PTPRS: variants seen among roughly 807,000 people sequenced by gnomAD.
PTPRS encodes the protein receptor-type tyrosine-protein phosphatase S.
Under a neutral mutation model 215.3 loss-of-function variants are expected in PTPRS, and 63 were observed. That is an observed-to-expected ratio of 0.29 (90% CI 0.24 to 0.36). The LOEUF (loss-of-function observed/expected upper bound fraction) is 0.36, where lower values mean the gene tolerates loss of function less well. Ranked by LOEUF, PTPRS falls within the 10% of genes least tolerant of loss-of-function variation. The pLI, the probability that PTPRS is intolerant of heterozygous loss-of-function variation, is 1.00. For missense variants in PTPRS, 2,258 were observed against 2,825.8 expected (o/e 0.80, Z 4.56); for synonymous variants, 1,404 against 1,191.4 (o/e 1.18, Z -3.68).
chr19:5,333,503 T>TCACACACACACA, intron 1 of PTPRS, among the ~76,000 whole-genome samples: 1 of 147,824 alleles, frequency 6.8e-6, no homozygotes, highest in African/African-American at 2.5e-5. Context: ...GTGAGTCCTG[T>TCACACACACACA]CACACACACA....
intron 1 of PTPRS, among the ~76,000 whole-genome samples, chr19:5,309,032 C>T (rs919916850): frequency 2.5e-4 from 38 of 152,282 alleles, no homozygotes; most frequent in African/African-American, 7.5e-4. Context: ...GCCTGCCTGG[C>T]ACTAGGCCCT....
intron 13 of PTPRS, among the ~76,000 whole-genome samples, chr19:5,234,948 T>C (rs1390340097): frequency 1.1e-3 from 163 of 150,478 alleles, no homozygotes; most frequent in African/African-American, 3.9e-3. Flanking sequence ...TCTTTCTTTT[T>C]TTTTTTTTTT....
intron 1 of PTPRS, among the ~76,000 whole-genome samples, chr19:5,291,091 G>A (rs1308631752): frequency 1.3e-5 from 2 of 151,998 alleles, no homozygotes; most frequent in African/African-American, 4.8e-5. Context: ...ACTGAAGTCC[G>A]GGGACCTGGC....
chr19:5,269,678 T>C (rs767076648), intron 4 of PTPRS, among the ~76,000 whole-genome samples: 15 of 151,674 alleles, frequency 9.9e-5, no homozygotes, highest in Non-Finnish European at 2.1e-4. Context: ...TCCCAGCACT[T>C]TGGGAGGCTG....
chr19:5,215,024 A>C (rs1259566074), intron 28 of PTPRS, among the ~76,000 whole-genome samples: 1 of 152,286 alleles, frequency 6.6e-6, no homozygotes, highest in Non-Finnish European at 1.5e-5. Flanking sequence ...TGACAACCAA[A>C]GATGTCCCTG....
intron 23 of PTPRS, chr19:5,219,067 A>C (rs910485376): frequency 1.5e-6 from 1 of 650,862 alleles, no homozygotes; most frequent in South Asian, 2.0e-5. Context: ...CCTCTACCCC[A>C]AATCTTGCTG....
At position 5,223,020 on chromosome 19, in the gene PTPRS, C is replaced by CGGGATGCTCAGGACCTCG. The variant is rs1555751272; in HGVS notation, c.2754_2771dup (p.Val920_Glu925dup). 1 of 1,544,852 alleles carries CGGGATGCTCAGGACCTCG rather than the reference C, an allele frequency of 6.5e-7. No homozygotes were observed. Among genetic ancestry groups the CGGGATGCTCAGGACCTCG allele is most frequent in the Non-Finnish European group, 8.7e-7 (1 of 1,147,274 alleles). ...GCGGGTGGCCACGGGGCGTGTCCTCCGGGATGCTCAGGACCTCGGCTGCCT... is the reference window on the plus strand; with the variant it reads ...GCGGGTGGCCACGGGGCGTGTCCTCCGGGATGCTCAGGACCTCGGGGATGCTCAGGACCTCGGCTGCCT... On this transcript the variant is annotated inframe_insertion, in exon 18 of 38. Coordinates refer to ENST00000262963, the MANE Select transcript of PTPRS (RefSeq NM_002850.4).
At position 5,339,602 on chromosome 19, in the gene PTPRS, G is replaced by A. The variant is rs1448501699; in HGVS notation, c.-95+1062C>T. 4.6e-5 allele frequency among the ~76,000 whole-genome samples: 7 copies of A among 152,014 alleles called. No individual in the cohort carries two copies. The highest frequency in any genetic ancestry group is 4.6e-4 in the Admixed American group (7 of 15,278). The stretch of plus-strand genomic sequence containing the variant: ...AGGGGAGGATCTTAATTTTAGGAGA[G>A]ATTCCCATAAAGAGAGGTGAACTTG... On this transcript the variant is annotated intron_variant, in intron 1 of 37. Coordinates refer to ENST00000262963, the MANE Select transcript of PTPRS (RefSeq NM_002850.4). This position sits in a 1 kb window ranked among gnomAD's most constrained non-coding sequence, Gnocchi z 4.2.
chr19:5,239,357 A>G lies in PTPRS; in HGVS notation c.1705-294T>C, dbSNP rs150283741. The stretch of plus-strand genomic sequence containing the variant: ...AGAGAAACAGGGGAGAGAGTCAGAG[A>G]CAGAGGGACACAGAGACAGAGATAG... On this transcript the variant is annotated intron_variant, in intron 12 of 37. Coordinates refer to ENST00000262963, the MANE Select transcript of PTPRS (RefSeq NM_002850.4). 1.9e-3 allele frequency among the ~76,000 whole-genome samples: 284 copies of G among 151,602 alleles called. 1 individual carries two copies. Among genetic ancestry groups the G allele is most frequent in the Middle Eastern group, 3.4e-3 (1 of 290 alleles).
intron 2 of PTPRS, among the ~76,000 whole-genome samples, chr19:5,285,760 A>C (rs2048297435): frequency 6.6e-6 from 1 of 152,244 alleles, no homozygotes; most frequent in Admixed American, 6.5e-5. Flanking sequence ...AGGTAAAATT[A>C]GTGCTTAGCA....
rs376578659 is a variant in PTPRS, at chr19:5,258,002, C to T, written c.706+15G>A. Reference sequence around the variant, plus strand: ...GGCGGGTCCCTGCCTTTGACCTGGACGCGGCGTTCCCTACCTCGCACGTAG... The same window carrying T: ...GGCGGGTCCCTGCCTTTGACCTGGATGCGGCGTTCCCTACCTCGCACGTAG... On this transcript the variant is annotated intron_variant, in intron 8 of 37. Coordinates refer to ENST00000262963, the MANE Select transcript of PTPRS (RefSeq NM_002850.4). 106 of 1,606,966 alleles carry T rather than the reference C, an allele frequency of 6.6e-5. No homozygotes were observed. Among genetic ancestry groups the T allele is most frequent in the African/African-American group, 8.0e-5 (6 of 74,812 alleles).
chr19:5,334,618 TGTGTGTGTGCGGGGG>T (rs2050434233), intron 1 of PTPRS, among the ~76,000 whole-genome samples: 1 of 152,048 alleles, frequency 6.6e-6, no homozygotes, highest in East Asian at 1.9e-4. Context: ...AGCCCTGGGG[TGTGTGTGTGCGGGGG>T]GTGTCTCTGT....
chr19:5,290,823 T>G (rs1261530766), intron 1 of PTPRS, among the ~76,000 whole-genome samples: 2 of 151,410 alleles, frequency 1.3e-5, no homozygotes, highest in African/African-American at 4.9e-5. Flanking sequence ...CACCCACAGC[T>G]CTCCCGTGCC....
At chr19:5,321,459 G>A (rs2050022230) in intron 1 of PTPRS, among the ~76,000 whole-genome samples, 1 of 152,178 alleles carries the variant, frequency 6.6e-6, no homozygotes, top group South Asian at 2.1e-4. Context: ...TTTCCTGAAG[G>A]ATCTACCGCC....
chr19:5,215,569 T>G lies in PTPRS; in HGVS notation c.4123A>C (p.Ile1375Leu). The G allele has an allele frequency of 1.2e-6, 2 of 1,603,466 alleles. No individual in the cohort carries two copies. Among genetic ancestry groups the G allele is most frequent in the South Asian group, 2.2e-5 (2 of 90,596 alleles). ...ESMLSHPPIP[I>L]ADMAEHTERL... ...TCCGTGTGCTCCGCCATGTCTGCGATGGGAATTGGCGGGTGGCTAAGCATG... is the reference window on the plus strand; with the variant it reads ...TCCGTGTGCTCCGCCATGTCTGCGAGGGGAATTGGCGGGTGGCTAAGCATG... Residue 1375 changes from isoleucine (I) to leucine (L), a missense_variant, in exon 27 of 38, where the codon ATC becomes CTC. Physicochemically the swap from Ile to Leu is conservative, Grantham distance 5 (BLOSUM62 2). Around this residue, in one of 6 missense-constraint regions of PTPRS, gnomAD observed 927 missense variants for 1,125.9 expected, o/e 0.82. Coordinates refer to ENST00000262963, the MANE Select transcript of PTPRS (RefSeq NM_002850.4).
At chr19:5,209,505 A>G (rs2040667449) in intron 35 of PTPRS, among the ~76,000 whole-genome samples, 1 of 152,086 alleles carries the variant, frequency 6.6e-6, no homozygotes, top group Admixed American at 6.6e-5. Context: ...GATGTTTTAC[A>G]TTTTCTAAAA....
In PTPRS at chr19:5,215,513, G is replaced by C; in HGVS notation, c.4179C>G (p.Leu1393=). The change falls in exon 27 of 38, where the codon CTC becomes CTG. Residue 1393 remains leucine (L), a synonymous_variant. Coordinates refer to ENST00000262963, the MANE Select transcript of PTPRS (RefSeq NM_002850.4). The part of the protein sequence containing the change: ...ERLKANDSLK[L]SQEYESIDPG... ...GTGGGCTCACCTCATACTCCTGGGA[G>C]AGCTTGAGGCTGTCGTTGGCCTTGA... 6.2e-7 allele frequency: 1 copy of C among 1,611,910 alleles called. No homozygotes were observed. The highest frequency in any genetic ancestry group is 8.5e-7 in the Non-Finnish European group (1 of 1,178,422).
chr19:5,299,528 C>G (rs900860672), intron 1 of PTPRS, among the ~76,000 whole-genome samples: 3 of 152,234 alleles, frequency 2.0e-5, no homozygotes, highest in Non-Finnish European at 1.5e-5. Context: ...TTACTGTCAC[C>G]TGAAATTCTC....
chr19:5,231,789 TGGGATGGGCGGG>T (rs1228399274), intron 13 of PTPRS, among the ~76,000 whole-genome samples, 174 bp from the exon 14 acceptor site: 5 of 43,734 alleles, frequency 1.1e-4, no homozygotes, highest in Non-Finnish European at 1.9e-4. Context: ...CAACCAAAGG[TGGGATGGGCGGG>T]TGGATGGGCG....
Sources: allele counts gnomAD v4.1 joint callset (sites outside exome capture counted in the v4.1 genomes callset), GRCh38; gene constraint gnomAD v4.1.1; regional missense constraint gnomAD v4.1.1; non-coding constraint Gnocchi (gnomAD v3.1); transcripts MANE v1.5; gene names NCBI Gene and HGNC (gene_info 2026-07-23, HGNC 2026-07-21).